ARID4A: variants seen among roughly 807,000 people sequenced by gnomAD.
The protein encoded by ARID4A is AT-rich interaction domain 4A, also known as AT-rich interactive domain-containing protein 4A.
A neutral mutation model predicts 148.6 loss-of-function variants in ARID4A; 39 were observed. The ratio of observed to expected loss-of-function variants is 0.26; its 90% CI spans 0.20 to 0.34. The LOEUF (loss-of-function observed/expected upper bound fraction) is 0.34, where lower values mean the gene tolerates loss of function less well. Ranked by LOEUF, ARID4A falls within the 10% of genes least tolerant of loss-of-function variation. ARID4A has a pLI of 1.00. For synonymous variants in ARID4A, 475 were observed against 481.2 expected (o/e 0.99, Z 0.17); for missense variants, 1,265 against 1,449.1 (o/e 0.87, Z 2.06).
Position 58,347,692 on chromosome 14 carries a change from G to T in ARID4A, c.1218G>T (p.Gln406His), listed in dbSNP as rs1368655501. The change falls in exon 15 of 24, where the codon CAG (glutamine) becomes CAT (histidine). Residue 406 changes from glutamine to histidine, a missense_variant. Physicochemically the swap from Gln to His is conservative, Grantham distance 24 (BLOSUM62 0). This residue lies in a region of ARID4A where 205 missense variants were observed against 196.9 expected (regional missense o/e 1.04). Transcript: ENST00000355431. The part of the protein sequence containing the change: ...FEEYCRSANI[Q>H]FRTVHHHEPK... ...AGTACTGCCGTTCGGCAAATATTCA[G>T]TTCAGAACTGTTCATCACCATGAAC... 10 of 1,613,646 alleles carry T rather than the reference G, an allele frequency of 6.2e-6. No individual in the cohort carries two copies. Among genetic ancestry groups the T allele is most frequent in the Non-Finnish European group, 8.5e-6 (10 of 1,179,882 alleles).
chr14:58,350,488 T>C (rs1356354325), intron 15 of ARID4A, among the ~76,000 whole-genome samples: 1 of 152,162 alleles, frequency 6.6e-6, no homozygotes, highest in Non-Finnish European at 1.5e-5. Flanking sequence ...GTAAAACATA[T>C]TGCTGTTGGC....
chr14:58,361,155 T>C (rs1293734225), intron 19 of ARID4A, 113 bp downstream of exon 19: 4 of 1,423,878 alleles, frequency 2.8e-6, no homozygotes, highest in Non-Finnish European at 3.7e-6. Flanking sequence ...ACATAAATAA[T>C]AAAACTTCCA....
chr14:58,318,482 C>CT, intron 5 of ARID4A, 60 bp from the exon 6 acceptor site: 1 of 1,490,474 alleles, frequency 6.7e-7, no homozygotes, highest in Admixed American at 1.7e-5. Context: ...GCATTCTGTG[C>CT]TTTTAAGTTT....
At chr14:58,350,500 C>T (rs1409579601) in intron 15 of ARID4A, among the ~76,000 whole-genome samples, 1 of 152,112 alleles carries the variant, frequency 6.6e-6, no homozygotes, top group Non-Finnish European at 1.5e-5. Context: ...GCTGTTGGCC[C>T]AGCGAGCTCT....
intron 16 of ARID4A, 95 bp downstream of exon 16, chr14:58,351,418 C>CTTT: frequency 6.9e-7 from 1 of 1,449,386 alleles, no homozygotes; most frequent in Non-Finnish European, 9.3e-7. Context: ...GGAATGTTTT[C>CTTT]TTATTGGGAC....
At chr14:58,313,531 A>G (rs2032198261) in intron 5 of ARID4A, among the ~76,000 whole-genome samples, 1 of 152,070 alleles carries the variant, frequency 6.6e-6, no homozygotes, top group Admixed American at 6.6e-5. Context: ...CAGGCCATGG[A>G]CTGGTACAGG....
rs565720242 is a variant in ARID4A, at chr14:58,343,367, C to T, written c.907-1328C>T. On this transcript the variant is annotated intron_variant, in intron 11 of 23. Coordinates refer to ENST00000355431, the MANE Select transcript of ARID4A (RefSeq NM_002892.4). ...GATCTTACTCCCTTTCTCTTGATTG[C>T]CTCATGGTTTTTTATTATATATTTT... Among the ~76,000 whole-genome samples, 9 of 152,154 alleles carry T rather than the reference C, an allele frequency of 5.9e-5. No individual in the cohort carries two copies. In the South Asian group the frequency reaches 1.9e-3, roughly 32 times the overall value.
chr14:58,323,222 C>A (rs1360523618), intron 7 of ARID4A, among the ~76,000 whole-genome samples: 1 of 151,204 alleles, frequency 6.6e-6, no homozygotes, highest in Non-Finnish European at 1.5e-5. Flanking sequence ...GTTTTTCTGT[C>A]CCAGCTGGTG....
intron 9 of ARID4A, 139 bp from the exon 10 acceptor site, chr14:58,329,389 G>T: frequency 1.6e-6 from 1 of 617,682 alleles, no homozygotes. Flanking sequence ...CTTACCTTTT[G>T]TTAAGGACTA....
chr14:58,329,058 C>T (rs1357871735), intron 9 of ARID4A, among the ~76,000 whole-genome samples: 2 of 151,672 alleles, frequency 1.3e-5, no homozygotes, highest in African/African-American at 2.4e-5. Context: ...GTGATCAAAA[C>T]AGTGAAATTA....
intron 15 of ARID4A, among the ~76,000 whole-genome samples, chr14:58,349,486 AAT>A (rs1451212069): frequency 3.3e-5 from 5 of 151,132 alleles, no homozygotes; most frequent in African/African-American, 1.2e-4. Context: ...CTCTACTAAA[AAT>A]ACAAAAAAAA....
At chr14:58,368,575 A>C (rs2035458707) in intron 23 of ARID4A, among the ~76,000 whole-genome samples, 1 of 152,148 alleles carries the variant, frequency 6.6e-6, no homozygotes, top group African/African-American at 2.4e-5. Context: ...AAAAACAGAT[A>C]ATGTACCATA....
At chr14:58,301,877 A>G (rs2031198907) in intron 3 of ARID4A, among the ~76,000 whole-genome samples, 187 bp downstream of exon 3, 1 of 152,226 alleles carries the variant, frequency 6.6e-6, no homozygotes. Flanking sequence ...CCAAAATGCT[A>G]CCATCAAAAT....
chr14:58,321,926 T>C (rs1482299579), intron 7 of ARID4A, among the ~76,000 whole-genome samples: 1 of 150,884 alleles, frequency 6.6e-6, no homozygotes, highest in Non-Finnish European at 1.5e-5. Context: ...TTAGATAATG[T>C]ATAGAATTTT....
At chr14:58,321,865 C>G (rs1408125607) in intron 7 of ARID4A, among the ~76,000 whole-genome samples, 1 of 151,992 alleles carries the variant, frequency 6.6e-6, no homozygotes, top group Non-Finnish European at 1.5e-5. Flanking sequence ...TTATTATTCT[C>G]AATTTATAGC....
At position 58,349,384 on chromosome 14, in the gene ARID4A, T is replaced by C. The variant is rs374510465; in HGVS notation, c.1404+1506T>C. Among the ~76,000 whole-genome samples, 5 of 151,480 alleles carry C rather than the reference T, an allele frequency of 3.3e-5. 1 individual carries two copies. Among genetic ancestry groups the C allele is most frequent in the East Asian group, 2.0e-4 (1 of 5,080 alleles). The stretch of plus-strand genomic sequence containing the variant: ...AAGTGCTGCCGGGCGCGGTGGCTCA[T>C]GCCTGTAATCCCAGCACTTTGGGAG... On this transcript the variant is annotated intron_variant, in intron 15 of 23. Coordinates refer to ENST00000355431, the MANE Select transcript of ARID4A (RefSeq NM_002892.4).
intron 1 of ARID4A, among the ~76,000 whole-genome samples, chr14:58,298,920 C>T (rs1386217862): frequency 6.6e-6 from 1 of 152,186 alleles, no homozygotes; most frequent in African/African-American, 2.4e-5. Context: ...TCGTCCGCTT[C>T]CTCGGGTTCC....
At chr14:58,354,688 T>TAAA (rs201953201) in intron 17 of ARID4A, among the ~76,000 whole-genome samples, 8 of 123,438 alleles carry the variant, frequency 6.5e-5, no homozygotes, top group African/African-American at 1.9e-4. Context: ...GTCTCATAAA[T>TAAA]AAAAAAAAAA....
chr14:58,331,011 A>C (rs981942497), intron 11 of ARID4A, among the ~76,000 whole-genome samples: 12 of 152,218 alleles, frequency 7.9e-5, no homozygotes, highest in Non-Finnish European at 1.5e-4. Context: ...AGCATGAAAA[A>C]TATTGGCCTG....
Sources: allele counts gnomAD v4.1 joint callset (sites outside exome capture counted in the v4.1 genomes callset), GRCh38; gene constraint gnomAD v4.1.1; regional missense constraint gnomAD v4.1.1; transcripts MANE v1.5; gene names NCBI Gene and HGNC (gene_info 2026-07-23, HGNC 2026-07-21).